The following GALNTL6 variants were observed in gnomAD, a reference collection of about 807,000 sequenced individuals.
GALNTL6 encodes polypeptide N-acetylgalactosaminyltransferase-like 6.
Under a neutral mutation model 73.7 loss-of-function variants are expected in GALNTL6, and 46 were observed. The ratio of observed to expected loss-of-function variants is 0.62; its 90% CI spans 0.49 to 0.80. GALNTL6 has a LOEUF of 0.80. GALNTL6 is among the 30% of genes least tolerant of loss of function. GALNTL6 has a pLI of 0.00. For synonymous variants in GALNTL6, 259 were observed against 263.7 expected (o/e 0.98, Z 0.17); for missense variants, 604 against 755.0 (o/e 0.80, Z 2.34).
chr4:172,441,516 A>T (rs988260452), intron 5 of GALNTL6, among the ~76,000 whole-genome samples: 1 of 152,002 alleles, frequency 6.6e-6, no homozygotes, highest in African/African-American at 2.4e-5. Context: ...TCATGCCTTA[A>T]GTGTTCTTTA....
chr4:171,823,899 CA>C (rs948846011), intron 2 of GALNTL6, among the ~76,000 whole-genome samples: 4 of 149,300 alleles, frequency 2.7e-5, no homozygotes, highest in Admixed American at 2.7e-4. Context: ...ATCCAGTTGC[CA>C]AAAAATATTA....
At chr4:172,939,443 CAAT>C (rs1036441283) in intron 9 of GALNTL6, among the ~76,000 whole-genome samples, 2 of 152,136 alleles carry the variant, frequency 1.3e-5, no homozygotes, top group African/African-American at 2.4e-5. Context: ...ATTAATGTGA[CAAT>C]AATGATTCAA....
At chr4:172,143,438 T>C (rs1011529359) in intron 2 of GALNTL6, among the ~76,000 whole-genome samples, 2 of 152,050 alleles carry the variant, frequency 1.3e-5, no homozygotes, top group East Asian at 1.9e-4. Context: ...CCCTAGTAGA[T>C]TTCCTTCCTT....
chr4:172,584,241 A>G (rs1399372351), intron 5 of GALNTL6, among the ~76,000 whole-genome samples: 1 of 152,206 alleles, frequency 6.6e-6, no homozygotes, highest in East Asian at 1.9e-4. Flanking sequence ...AGGAAGCAGA[A>G]TGATGTTTGA....
At chr4:172,266,270 A>C (rs1217940180) in intron 3 of GALNTL6, 2 of 152,278 alleles carry the variant, frequency 1.3e-5, no homozygotes, top group African/African-American at 4.8e-5. Context: ...TGGGGGATAC[A>C]TGCAGCTGGA....
intron 5 of GALNTL6, among the ~76,000 whole-genome samples, chr4:172,593,791 G>A (rs1480257169): frequency 6.6e-6 from 1 of 151,794 alleles, no homozygotes; most frequent in Non-Finnish European, 1.5e-5. Context: ...GTGTAATAGT[G>A]TGATCTCAAC....
intron 5 of GALNTL6, among the ~76,000 whole-genome samples, chr4:172,653,386 A>T (rs1438575999): frequency 2.0e-5 from 3 of 151,654 alleles, no homozygotes; most frequent in African/African-American, 7.3e-5. Flanking sequence ...TACCTGGCTA[A>T]TTTTTTGTAT....
At chr4:172,890,474 G>C (rs1745973643) in intron 8 of GALNTL6, among the ~76,000 whole-genome samples, 2 of 152,070 alleles carry the variant, frequency 1.3e-5, no homozygotes, top group Non-Finnish European at 2.9e-5. Context: ...GGAGCAAGTT[G>C]TTTAGGTTCC....
At chr4:172,698,199 G>T (rs1733805209) in intron 5 of GALNTL6, among the ~76,000 whole-genome samples, 2 of 151,972 alleles carry the variant, frequency 1.3e-5, no homozygotes, top group East Asian at 1.9e-4. Flanking sequence ...CCTATGGGTT[G>T]TTTTGACTGA....
chr4:172,025,593 T>C (rs1338178046), intron 2 of GALNTL6, among the ~76,000 whole-genome samples: 1 of 152,102 alleles, frequency 6.6e-6, no homozygotes, highest in Admixed American at 6.6e-5. Flanking sequence ...GAAGGTTTTT[T>C]TGAAACTTAT....
intron 2 of GALNTL6, among the ~76,000 whole-genome samples, chr4:172,072,922 T>C (rs1327470265): frequency 1.3e-5 from 2 of 152,152 alleles, no homozygotes; most frequent in Non-Finnish European, 2.9e-5. Context: ...GAATTCCCAT[T>C]TCACATGATA....
At chr4:172,253,902 T>C (rs1737966728) in intron 3 of GALNTL6, among the ~76,000 whole-genome samples, 3 of 151,874 alleles carry the variant, frequency 2.0e-5, no homozygotes, top group African/African-American at 4.8e-5. Flanking sequence ...TGTGTATTAT[T>C]GGTGAAGAGC....
intron 5 of GALNTL6, among the ~76,000 whole-genome samples, chr4:172,620,185 G>C (rs1233268411): frequency 6.6e-6 from 1 of 152,182 alleles, no homozygotes; most frequent in Non-Finnish European, 1.5e-5. Flanking sequence ...CAACACAGAG[G>C]AGTTTAAAGA....
intron 8 of GALNTL6, among the ~76,000 whole-genome samples, chr4:172,896,320 G>A (rs1746328627): frequency 6.6e-6 from 1 of 152,166 alleles, no homozygotes; most frequent in Non-Finnish European, 1.5e-5. Context: ...CCTGAGTCCA[G>A]CTATAATCAC....
intron 2 of GALNTL6, among the ~76,000 whole-genome samples, chr4:172,122,866 T>C (rs1472883112): frequency 6.6e-6 from 1 of 152,000 alleles, no homozygotes; most frequent in Non-Finnish European, 1.5e-5. Context: ...TATTCTAACA[T>C]AAAAAGGTTG....
At chr4:172,643,278 A>T (rs1212797208) in intron 5 of GALNTL6, among the ~76,000 whole-genome samples, 1 of 151,968 alleles carries the variant, frequency 6.6e-6, no homozygotes, top group African/African-American at 2.4e-5. Context: ...TAAGCAAATG[A>T]CTTTGATTAC....
chr4:171,846,486 C>T (rs1473133776), intron 2 of GALNTL6, among the ~76,000 whole-genome samples: 1 of 152,050 alleles, frequency 6.6e-6, no homozygotes, highest in Non-Finnish European at 1.5e-5. Flanking sequence ...GGCTCGTTGG[C>T]TGCATTTTGA....
rs556500662 is a variant in GALNTL6 at position 172,207,009 on chromosome 4, G to A, written c.139-22647G>A. Among the ~76,000 whole-genome samples the A allele has an allele frequency of 2.6e-4, 39 of 151,050 alleles. No homozygotes were observed. In the East Asian group the frequency reaches 5.9e-3, roughly 23 times the overall value. Reference sequence around the variant, plus strand: ...GTTTTTTGTATTTTTAGTAGAGGCGGGGTTTCACCATGTTAGCCAGGATGA... The same window carrying A: ...GTTTTTTGTATTTTTAGTAGAGGCGAGGTTTCACCATGTTAGCCAGGATGA... On this transcript the variant is annotated intron_variant, in intron 2 of 12. Coordinates refer to ENST00000506823, the MANE Select transcript of GALNTL6 (RefSeq NM_001034845.3).
chr4:172,800,878 A>T (rs1486309002), intron 5 of GALNTL6, among the ~76,000 whole-genome samples: 4 of 152,134 alleles, frequency 2.6e-5, no homozygotes, highest in African/African-American at 9.6e-5. Context: ...TTAATTTTAT[A>T]TTCCCCGATT....
Sources: gnomAD v4.1 joint callset for allele counts (sites outside exome capture counted in the v4.1 genomes callset) on GRCh38, gnomAD v4.1.1 for gene constraint, MANE v1.5 for transcripts, NCBI Gene and HGNC (gene_info 2026-07-23, HGNC 2026-07-21) for gene names.